KRT78: variants seen among roughly 807,000 people sequenced by gnomAD.
KRT78 encodes the protein keratin, type II cytoskeletal 78.
KRT78 carries 55 observed loss-of-function variants against 51.4 expected under a neutral mutation model. That is an observed-to-expected ratio of 1.07 (90% CI 0.86 to 1.34). The LOEUF (loss-of-function observed/expected upper bound fraction) is 1.34. Among genes scored for constraint, KRT78 ranks in the 40% most tolerant of loss-of-function variants. The probability of loss-of-function intolerance (pLI) is 0.00; values close to 1 mark genes in which losing one functional copy is unlikely to be tolerated. For synonymous variants in KRT78, 291 were observed against 264.3 expected, an observed-to-expected ratio of 1.10 and a Z score of -0.98; for missense variants, 652 against 649.4, an observed-to-expected ratio of 1.00 and a Z score of -0.04.
chr12:52,846,778 C>G lies in KRT78; in HGVS notation c.646G>C (p.Val216Leu), dbSNP rs376292500. 1.9e-6 allele frequency: 3 copies of G among 1,613,812 alleles called. No homozygotes were observed. Among genetic ancestry groups the G allele is most frequent in the Non-Finnish European group, 2.5e-6 (3 of 1,179,912 alleles). ...HRRATLENDF[V>L]VLKKDVDGVF... ...CCCACCCTCACCTTCTTGAGGACCA[C>G]AAAGTCGTTCTCAAGTGTGGCACGC... The change falls in exon 3 of 9, where the codon GTG becomes CTG. Residue 216 changes from valine to leucine, a missense_variant. By Grantham distance (32) the Val-to-Leu change is conservative. Transcript: ENST00000304620.
At chr12:52,842,738 T>C (rs1940527011) in intron 6 of KRT78, among the ~76,000 whole-genome samples, 2 of 151,638 alleles carry the variant, frequency 1.3e-5, no homozygotes, top group South Asian at 4.2e-4. Flanking sequence ...GCCAACATGG[T>C]GAAACCCTGT....
chr12:52,844,263 A>G, intron 5 of KRT78, 45 bp from the exon 6 acceptor site: 1 of 1,544,482 alleles, frequency 6.5e-7, no homozygotes, highest in Non-Finnish European at 8.7e-7. Flanking sequence ...GAGGACTGCC[A>G]CCTTTGACCA....
At chr12:52,844,330 C>T in intron 5 of KRT78, 112 bp from the exon 6 acceptor site, 2 of 1,334,356 alleles carry the variant, frequency 1.5e-6, no homozygotes, top group Middle Eastern at 2.5e-4. Flanking sequence ...GGGTTAAACG[C>T]CTGAGCCAGG....
intron 6 of KRT78, among the ~76,000 whole-genome samples, chr12:52,843,707 A>G (rs1484559484): frequency 6.7e-6 from 1 of 150,366 alleles, no homozygotes; most frequent in African/African-American, 2.5e-5. Flanking sequence ...AAAAAAAAAG[A>G]AAAAGAAAAA....
chr12:52,839,333 C>T lies in KRT78; in HGVS notation c.1343G>A (p.Gly448Asp). ...TCCACAAGTGCTCCCCAAGCCTCCACCAACTCCTCCAGACATGACAGCGCT... is the reference window on the plus strand; with the variant it reads ...TCCACAAGTGCTCCCCAAGCCTCCATCAACTCCTCCAGACATGACAGCGCT... ...GGSAVMSGGV[G>D]GGLGSTCGLG... The change falls in exon 9 of 9, where the codon GGT becomes GAT. Residue 448 changes from glycine to aspartate, a missense_variant. Coordinates refer to ENST00000304620, the MANE Select transcript of KRT78 (RefSeq NM_173352.4). 1 of 1,614,028 alleles carries T rather than the reference C, an allele frequency of 6.2e-7. No individual in the cohort carries two copies. The highest frequency in any genetic ancestry group is 8.5e-7 in the Non-Finnish European group (1 of 1,179,990).
intron 6 of KRT78, among the ~76,000 whole-genome samples, chr12:52,840,912 T>G (rs1940480795): frequency 6.6e-6 from 1 of 152,184 alleles, no homozygotes; most frequent in Non-Finnish European, 1.5e-5. Flanking sequence ...TCTGTTGTTT[T>G]AAGCCACCCG....
rs1592145434 is a variant in KRT78 at position 52,844,091 on chromosome 12, A to G, written c.1047+2T>C. 8 of 1,612,498 alleles carry G rather than the reference A, an allele frequency of 5.0e-6. No homozygotes were observed. Among genetic ancestry groups the G allele is most frequent in the Non-Finnish European group, 6.8e-6 (8 of 1,179,452 alleles). Reference sequence around the variant, plus strand: ...GACATTTGGGGGTCTCTGGGAATCTACCTGCTTCTTGAGGTTCTCAGTCTG... The same window carrying G: ...GACATTTGGGGGTCTCTGGGAATCTGCCTGCTTCTTGAGGTTCTCAGTCTG... On this transcript the variant is annotated splice_donor_variant, in intron 6 of 8. Transcript: ENST00000304620. LOFTEE classifies it high-confidence loss of function.
At chr12:52,845,266 A>T (rs920708174) in intron 4 of KRT78, among the ~76,000 whole-genome samples, 1 of 151,910 alleles carries the variant, frequency 6.6e-6, no homozygotes, top group Non-Finnish European at 1.5e-5. Flanking sequence ...TCAGCCTCCC[A>T]AAGTGCTGGG....
At chr12:52,846,683 CT>C in intron 3 of KRT78, 80 bp downstream of exon 3, 3 of 1,299,148 alleles carry the variant, frequency 2.3e-6, no homozygotes, top group Non-Finnish European at 3.3e-6. Context: ...GACCTCCCAC[CT>C]TTTCCCTCCC....
Position 52,848,687 on chromosome 12 carries a change from C to T in KRT78, c.244G>A (p.Gly82Ser), listed in dbSNP as rs771703493. The T allele has an allele frequency of 4.3e-6, 7 of 1,613,304 alleles. No homozygotes were observed. Among genetic ancestry groups the T allele is most frequent in the African/African-American group, 1.3e-5 (1 of 74,930 alleles). The change falls in exon 1 of 9, where the codon GGC (glycine) becomes AGC (serine). Residue 82 changes from glycine to serine, a missense_variant. By Grantham distance (56) the Gly-to-Ser change is moderately conservative. Coordinates refer to ENST00000304620, the MANE Select transcript of KRT78 (RefSeq NM_173352.4). Reference sequence around the variant, plus strand: ...TGGTTGATGGTCACTTCTTGGATGCCCCCCGGAGGGCACAGGGAGAGCCCA... The same window carrying T: ...TGGTTGATGGTCACTTCTTGGATGCTCCCCGGAGGGCACAGGGAGAGCCCA... ...GPGLSLCPPG[G>S]IQEVTINQNL...
In KRT78 at chr12:52,839,776, C is replaced by A. The variant is rs1940439042; in HGVS notation, c.1256G>T (p.Gly419Val). The A allele has an allele frequency of 6.2e-7, 1 of 1,613,912 alleles. No individual in the cohort carries two copies. The change falls in exon 7 of 9, where the codon GGC becomes GTC. Residue 419 changes from glycine to valine, a missense_variant. Gly to Val is a moderately radical substitution (Grantham distance 109). Transcript: ENST00000304620. ...EIATYRRLLE[G>V]EECRMSGECT... is the part of the protein sequence containing the mutation. ...AAGCCTCCCTCACCTGCACTCCTCG[C>A]CCTCCAGCAGCCTGCGGTAAGTGGC...
At chr12:52,845,910 ACCACTGCAC>A (rs1940629488) in intron 4 of KRT78, 1 of 352,998 alleles carries the variant, frequency 2.8e-6, no homozygotes, top group African/African-American at 2.1e-5. Flanking sequence ...CTGAGATTGC[ACCACTGCAC>A]TCCAGCCTGG....
At chr12:52,843,700 A>AAAAAAAAG (rs1565699371) in intron 6 of KRT78, among the ~76,000 whole-genome samples, 5 of 149,046 alleles carry the variant, frequency 3.4e-5, no homozygotes, top group East Asian at 1.9e-4. Context: ...AAAAAAAAAA[A>AAAAAAAAG]AAAAAGAAAA....
intron 6 of KRT78, among the ~76,000 whole-genome samples, chr12:52,841,418 C>T (rs1161879776): frequency 4.7e-5 from 7 of 149,718 alleles, no homozygotes; most frequent in East Asian, 2.0e-4. Context: ...ACCCGGGAGG[C>T]GGAGGTTGCA....
chr12:52,848,044 G>C lies in KRT78; in HGVS notation c.462C>G (p.Ser154Arg), dbSNP rs79315409. The C allele has an allele frequency of 6.2e-7, 1 of 1,614,060 alleles. No individual in the cohort carries two copies. Residue 154 changes from serine (S) to arginine (R), a missense_variant, in exon 2 of 9, where the codon AGC becomes AGG. Physicochemically the swap from Ser to Arg is moderately radical, Grantham distance 110. Coordinates refer to ENST00000304620, the MANE Select transcript of KRT78 (RefSeq NM_173352.4). ...CAAAGACAGGCTCCAGGCCCTGCTG[G>C]CTGCCACTCAACCCCTGTTGCTGCA... ...HLLQQQGLSG[S>R]QQGLEPVFEA...
intron 3 of KRT78, 69 bp downstream of exon 3, chr12:52,846,695 A>G (rs1940650416): frequency 7.2e-7 from 1 of 1,393,950 alleles, no homozygotes; most frequent in Admixed American, 1.7e-5. Flanking sequence ...TTTCCCTCCC[A>G]GCCTAGGACT....
intron 4 of KRT78, chr12:52,845,966 A>T (rs945228071): frequency 2.0e-6 from 1 of 509,232 alleles, no homozygotes; most frequent in Non-Finnish European, 3.5e-6. Flanking sequence ...AAAAAAAAAA[A>T]GCAATTTTTT....
At position 52,848,102 on chromosome 12, in the gene KRT78, T is replaced by C; in HGVS notation, c.404A>G (p.Gln135Arg). ...CCACTTCGTCTCCAGGACCTTGTTC[T>C]GCTGCTCCAGGAACCGCACCTGCAG... is the stretch of plus-strand genomic sequence containing the variant. Reference protein sequence around the residue: ...FIDKVRFLEQQNKVLETKWHL... With the variant: ...FIDKVRFLEQRNKVLETKWHL... Residue 135 changes from glutamine to arginine, a missense_variant, in exon 2 of 9, where the codon CAG becomes CGG. Gln to Arg is a conservative substitution (Grantham distance 43). Coordinates refer to ENST00000304620, the MANE Select transcript of KRT78 (RefSeq NM_173352.4). 6.2e-7 allele frequency: 1 copy of C among 1,614,158 alleles called. No individual in the cohort carries two copies. Among genetic ancestry groups the C allele is most frequent in the Non-Finnish European group, 8.5e-7 (1 of 1,180,024 alleles).
chr12:52,840,092 T>C, intron 6 of KRT78, 108 bp from the exon 7 acceptor site: 1 of 757,468 alleles, frequency 1.3e-6, no homozygotes, highest in Non-Finnish European at 2.1e-6. Context: ...CATAATCTTA[T>C]GAGCTCAAAA....
Sources: gnomAD v4.1 joint callset for allele counts (sites outside exome capture counted in the v4.1 genomes callset) on GRCh38, gnomAD v4.1.1 for gene constraint, MANE v1.5 for transcripts, NCBI Gene and HGNC (gene_info 2026-07-23, HGNC 2026-07-21) for gene names.